Variants in GLIS1 observed in about 807,000 individuals in gnomAD.
The protein encoded by GLIS1 is zinc finger protein GLIS1.
A neutral mutation model predicts 63.8 loss-of-function variants in GLIS1; 24 were observed. The ratio of observed to expected loss-of-function variants is 0.38; its 90% CI spans 0.27 to 0.53. The LOEUF is 0.53. GLIS1 is among the 20% of genes least tolerant of loss of function. The pLI is 0.85. For missense variants in GLIS1, 1,036 were observed against 1,074.1 expected, an observed-to-expected ratio of 0.96 and a Z score of 0.50; for synonymous variants, 450 against 482.5, an observed-to-expected ratio of 0.93 and a Z score of 0.88.
intron 2 of GLIS1, among the ~76,000 whole-genome samples, chr1:53,621,798 A>G (rs1645545577): frequency 1.3e-5 from 2 of 152,136 alleles, no homozygotes; most frequent in Non-Finnish European, 2.9e-5. Context: ...GTCATCAGAC[A>G]TCAATGTTTC....
chr1:53,603,790 C>T (rs1557476209), intron 2 of GLIS1, among the ~76,000 whole-genome samples: 1 of 152,266 alleles, frequency 6.6e-6, no homozygotes, highest in Non-Finnish European at 1.5e-5. Flanking sequence ...GCAAATGAAG[C>T]TCCTTTGGAG....
At chr1:53,663,482 C>G (rs574554293) in intron 2 of GLIS1, among the ~76,000 whole-genome samples, 47 of 152,226 alleles carry the variant, frequency 3.1e-4, no homozygotes, top group African/African-American at 4.8e-5. Flanking sequence ...ACAACTGTGC[C>G]GCTGGACAGA....
At chr1:53,737,506 T>C (rs1646923185) in intron 2 of GLIS1, among the ~76,000 whole-genome samples, 2 of 152,360 alleles carry the variant, frequency 1.3e-5, no homozygotes, top group South Asian at 4.1e-4. Flanking sequence ...TTCGCCCTCA[T>C]GTATAATAAA....
chr1:53,695,299 A>G (rs1646453269), intron 2 of GLIS1, among the ~76,000 whole-genome samples: 3 of 152,230 alleles, frequency 2.0e-5, no homozygotes, highest in Non-Finnish European at 4.4e-5. Context: ...CTCCAAGTTC[A>G]TGGTGCAAGT....
intron 2 of GLIS1, among the ~76,000 whole-genome samples, chr1:53,712,593 G>T (rs939094840): frequency 2.0e-5 from 3 of 152,162 alleles, no homozygotes; most frequent in Admixed American, 6.5e-5. Flanking sequence ...CCCTTTGAAG[G>T]CCGGGCCCAG....
chr1:53,720,206 C>A (rs181962295), intron 2 of GLIS1, among the ~76,000 whole-genome samples: 40 of 152,234 alleles, frequency 2.6e-4, no homozygotes, highest in Middle Eastern at 3.4e-3. Context: ...TAAAAGGATA[C>A]CATCACCATT....
rs544258021 is a variant in GLIS1, at chr1:53,541,191, T to A, written c.1321-11239A>T. On this transcript the variant is annotated intron_variant, in intron 4 of 10. Transcript: ENST00000628545. The stretch of plus-strand genomic sequence containing the variant: ...GCTCTACCGGGAGAAATGGTGAGCC[T>A]CCCGTCCCAGACGCTCAGGGACAGA... Among the ~76,000 whole-genome samples the A allele has an allele frequency of 3.9e-4, 59 of 152,284 alleles. 1 individual carries two copies. The highest frequency in any genetic ancestry group is 1.4e-3 in the African/African-American group (57 of 41,548).
At chr1:53,674,510 C>T (rs1233580659) in intron 2 of GLIS1, among the ~76,000 whole-genome samples, 1 of 152,116 alleles carries the variant, frequency 6.6e-6, no homozygotes, top group Non-Finnish European at 1.5e-5. Context: ...AAAATGGGGA[C>T]GGGAATACAT....
At chr1:53,664,491 T>C (rs1004368860) in intron 2 of GLIS1, among the ~76,000 whole-genome samples, 1 of 152,210 alleles carries the variant, frequency 6.6e-6, no homozygotes, top group East Asian at 1.9e-4. Flanking sequence ...ACCATAACAA[T>C]GGAAAAGTAT....
chr1:53,670,785 C>T (rs988220648), intron 2 of GLIS1, among the ~76,000 whole-genome samples: 3 of 152,240 alleles, frequency 2.0e-5, no homozygotes, highest in Non-Finnish European at 4.4e-5. Flanking sequence ...TTCATCTCTG[C>T]TCTGCAGCAC....
intron 4 of GLIS1, among the ~76,000 whole-genome samples, chr1:53,579,090 G>T (rs1645059898): frequency 6.7e-6 from 1 of 149,708 alleles, no homozygotes; most frequent in Non-Finnish European, 1.5e-5. Flanking sequence ...TTAGGTCAAA[G>T]AAAATGTGTT....
chr1:53,686,799 T>G, intron 2 of GLIS1, among the ~76,000 whole-genome samples: 1 of 150,996 alleles, frequency 6.6e-6, no homozygotes, highest in African/African-American at 2.4e-5. Context: ...GGATGGGAAA[T>G]GTTCCAGGTG....
At chr1:53,591,437 A>C (rs1283707445) in intron 4 of GLIS1, among the ~76,000 whole-genome samples, 2 of 152,264 alleles carry the variant, frequency 1.3e-5, no homozygotes, top group Non-Finnish European at 2.9e-5. Flanking sequence ...GAGCTACACA[A>C]ACAAGAGCAT....
chr1:53,631,817 G>T (rs1360494609), intron 2 of GLIS1, among the ~76,000 whole-genome samples: 1 of 152,036 alleles, frequency 6.6e-6, no homozygotes, highest in East Asian at 1.9e-4. Context: ...GGCATTTCAG[G>T]CAGAGGGAAC....
chr1:53,579,576 C>T (rs138219700), intron 4 of GLIS1, among the ~76,000 whole-genome samples: 74 of 152,296 alleles, frequency 4.9e-4, no homozygotes, highest in African/African-American at 1.6e-3. Flanking sequence ...GCCAACCTCC[C>T]GACAGAGGTG....
intron 2 of GLIS1, among the ~76,000 whole-genome samples, chr1:53,618,162 G>T (rs1328742048): frequency 6.6e-6 from 1 of 152,246 alleles, no homozygotes; most frequent in Non-Finnish European, 1.5e-5. Context: ...TCAGCAGAGA[G>T]GGTTTGAGAA....
chr1:53,708,059 G>A (rs1194252773), intron 2 of GLIS1, among the ~76,000 whole-genome samples: 1 of 151,994 alleles, frequency 6.6e-6, no homozygotes, highest in Non-Finnish European at 1.5e-5. Flanking sequence ...GAGGCAGGCA[G>A]ATCACAAGGT....
At chr1:53,609,877 T>A (rs1171032470) in intron 2 of GLIS1, among the ~76,000 whole-genome samples, 2 of 152,356 alleles carry the variant, frequency 1.3e-5, no homozygotes, top group East Asian at 3.9e-4. Context: ...CTATTGCTCC[T>A]GTGCTACAAA....
chr1:53,600,126 G>C lies in GLIS1; in HGVS notation c.412C>G (p.Leu138Val). 1 of 1,231,652 alleles carries C rather than the reference G, an allele frequency of 8.1e-7. No individual in the cohort carries two copies. The highest frequency in any genetic ancestry group is 1.0e-6 in the Non-Finnish European group (1 of 987,476). 76.3% of individuals were successfully genotyped at this position (1,231,652 alleles called of 1,614,324 possible). ...CTGTCAGGGTGGGGGAAATGCAGCA[G>C]CCTCTCACAAGCTTGGGGGTGAGCC... The part of the protein sequence containing the change: ...PRAHPQACER[L>V]LHFPHPDRSP... The change falls in exon 3 of 11, where the codon CTG (leucine) becomes GTG (valine). Residue 138 changes from leucine to valine, a missense_variant. Leu to Val is a conservative substitution (Grantham distance 32). This residue lies in a region of GLIS1 where 592 missense variants were observed against 593.9 expected (regional missense o/e 1.00). Coordinates refer to ENST00000628545, the MANE Select transcript of GLIS1 (RefSeq NM_001367484.1).
Sources: allele counts gnomAD v4.1 joint callset (sites outside exome capture counted in the v4.1 genomes callset), GRCh38; gene constraint gnomAD v4.1.1; regional missense constraint gnomAD v4.1.1; transcripts MANE v1.5; gene names NCBI Gene and HGNC (gene_info 2026-07-23, HGNC 2026-07-21).